The following ARHGEF28 variants were observed in gnomAD, a reference collection of about 807,000 sequenced individuals.
ARHGEF28 encodes the protein Rho guanine nucleotide exchange factor 28, also known as 190 kDa guanine nucleotide exchange factor.
A neutral mutation model predicts 206.6 loss-of-function variants in ARHGEF28; 152 were observed. The observed-to-expected ratio is 0.74, with a 90% CI of 0.64 to 0.84. The LOEUF is 0.84. Among genes scored for constraint, ARHGEF28 ranks in the 40% least tolerant of loss-of-function variants. The pLI is 0.00. For synonymous variants in ARHGEF28, 763 were observed against 776.4 expected (o/e 0.98, Z 0.29); for missense variants, 2,028 against 2,073.2 (o/e 0.98, Z 0.42).
At position 73,794,437 on chromosome 5, in the gene ARHGEF28, G is replaced by A. The variant is rs770998635; in HGVS notation, c.946G>A (p.Glu316Lys). ...KNSVSSRSAA[E>K]KEDIKRVKSL... is the part of the protein sequence containing the mutation. ...TTCAGTGTCCAGCAGATCAGCAGCT[G>A]AAAAGGAAGATATAAAGGTAATGAA... The change falls in exon 8 of 36, where the codon GAA becomes AAA. Residue 316 changes from glutamate to lysine, a missense_variant. This residue lies in a region of ARHGEF28 where 1,002 missense variants were observed against 1,015.3 expected (regional missense o/e 0.99). Transcript: ENST00000513042. The A allele has an allele frequency of 1.0e-5, 16 of 1,601,878 alleles. No individual in the cohort carries two copies. Among genetic ancestry groups the A allele is most frequent in the African/African-American group, 9.4e-5 (7 of 74,552 alleles).
intron 8 of ARHGEF28, 141 bp from the exon 9 acceptor site, chr5:73,795,190 A>T: frequency 1.5e-6 from 1 of 679,122 alleles, no homozygotes; most frequent in Non-Finnish European, 2.5e-6. Flanking sequence ...GTATAAGACT[A>T]GTTTTCTGTT....
At chr5:73,896,283 A>C (rs2112695418) in intron 29 of ARHGEF28, among the ~76,000 whole-genome samples, 1 of 152,288 alleles carries the variant, frequency 6.6e-6, no homozygotes, top group South Asian at 2.1e-4. Context: ...AAAGCCCCTG[A>C]GGCTGCAGTG....
At chr5:73,816,998 A>C (rs1213823616) in intron 9 of ARHGEF28, among the ~76,000 whole-genome samples, 1 of 152,226 alleles carries the variant, frequency 6.6e-6, no homozygotes, top group South Asian at 2.1e-4. Flanking sequence ...AGGAGATTCA[A>C]TCAAGAAATG....
chr5:73,789,675 ATTTAT>A (rs1302477409), intron 7 of ARHGEF28, among the ~76,000 whole-genome samples: 1 of 151,688 alleles, frequency 6.6e-6, no homozygotes, highest in Non-Finnish European at 1.5e-5. Context: ...CCAAGTTTTT[ATTTAT>A]TTTATTTATT....
At chr5:73,860,149 G>A (rs886310371) in intron 16 of ARHGEF28, among the ~76,000 whole-genome samples, 2 of 152,092 alleles carry the variant, frequency 1.3e-5, no homozygotes, top group East Asian at 1.9e-4. Flanking sequence ...TACTGGGTAC[G>A]CGCAGAAATT....
At chr5:73,835,974 A>G (rs1323210110) in intron 10 of ARHGEF28, among the ~76,000 whole-genome samples, 2 of 152,170 alleles carry the variant, frequency 1.3e-5, no homozygotes, top group Non-Finnish European at 2.9e-5. Context: ...GTTGAGTAAG[A>G]GAATAGAAAA....
chr5:73,833,768 A>G lies in ARHGEF28; in HGVS notation c.1146+1309A>G, dbSNP rs184728621. Among the ~76,000 whole-genome samples the G allele has an allele frequency of 2.1e-3, 315 of 152,276 alleles. 6 individuals carry two copies. The highest frequency in any genetic ancestry group is 9.1e-4 in the Non-Finnish European group (62 of 68,026). ...CTCAGGAAACTTAAAATAATGGCGG[A>G]AGATACCTCTTCACAGGGCAGCAGG... On this transcript the variant is annotated intron_variant, in intron 10 of 35. Coordinates refer to ENST00000513042, the MANE Select transcript of ARHGEF28 (RefSeq NM_001177693.2).
At position 73,864,872 on chromosome 5, in the gene ARHGEF28, G is replaced by A. The variant is rs1356905652; in HGVS notation, c.2103G>A (p.Lys701=). The change falls in exon 17 of 36, where the codon AAG becomes AAA. Residue 701 remains lysine, a splice_region_variant and synonymous_variant. Transcript: ENST00000513042. ...AAGATGCTGCGCCTGCATGCACCAA[G>A]GTAATTGCTCAGTGATCTGTGAATA... ...GCKDAAPACT[K]KFQEKYNKNK... is the part of the protein sequence containing the mutation. 11 of 1,612,914 alleles carry A rather than the reference G, an allele frequency of 6.8e-6. No individual in the cohort carries two copies. In the East Asian group the frequency reaches 2.5e-4, roughly 36 times the overall value.
intron 1 of ARHGEF28, among the ~76,000 whole-genome samples, chr5:73,630,689 A>G (rs6881956): frequency 0.78 from 119,035 of 152,082 alleles, 47,038 homozygotes; most frequent in African/African-American, 0.89. Context: ...CCTTGGGTGA[A>G]TATTCCTACT....
At chr5:73,757,224 C>T (rs576396381) in intron 4 of ARHGEF28, among the ~76,000 whole-genome samples, 4 of 152,164 alleles carry the variant, frequency 2.6e-5, no homozygotes, top group East Asian at 1.9e-4. Flanking sequence ...ACTGTGCCAT[C>T]GGACCCACTG....
chr5:73,935,540 A>G (rs1430910945), intron 35 of ARHGEF28, among the ~76,000 whole-genome samples: 1 of 152,210 alleles, frequency 6.6e-6, no homozygotes, highest in Non-Finnish European at 1.5e-5. Context: ...CCATTAGAAG[A>G]AAAAATGTTG....
intron 22 of ARHGEF28, 95 bp from the exon 23 acceptor site, chr5:73,882,377 C>T: frequency 1.1e-6 from 1 of 882,792 alleles, no homozygotes; most frequent in East Asian, 3.2e-5. Flanking sequence ...TTTTTATTTG[C>T]AAATACTATT....
chr5:73,772,960 G>A (rs1320233629), intron 4 of ARHGEF28, among the ~76,000 whole-genome samples: 1 of 152,200 alleles, frequency 6.6e-6, no homozygotes, highest in Non-Finnish European at 1.5e-5. Context: ...AAACTGTGGA[G>A]AAGTAGGTCA....
At chr5:73,782,561 G>C (rs938053609) in intron 7 of ARHGEF28, among the ~76,000 whole-genome samples, 2 of 152,176 alleles carry the variant, frequency 1.3e-5, no homozygotes, top group Non-Finnish European at 1.5e-5. Flanking sequence ...GGTTAAGCCC[G>C]AGCAGCTGAG....
intron 2 of ARHGEF28, among the ~76,000 whole-genome samples, chr5:73,707,245 G>C (rs577729478): frequency 6.6e-5 from 10 of 152,308 alleles, no homozygotes; most frequent in African/African-American, 2.4e-4. Context: ...ATAGCTGCCT[G>C]TGACCAGAGC....
At chr5:73,893,654 G>C (rs1048751217) in intron 28 of ARHGEF28, among the ~76,000 whole-genome samples, 1 of 152,214 alleles carries the variant, frequency 6.6e-6, no homozygotes, top group Non-Finnish European at 1.5e-5. Flanking sequence ...CAGTTTGCAA[G>C]TGTGTGAAAG....
chr5:73,666,444 T>A (rs762794483), intron 1 of ARHGEF28, among the ~76,000 whole-genome samples: 4 of 152,216 alleles, frequency 2.6e-5, no homozygotes, highest in Admixed American at 6.5e-5. Flanking sequence ...ATTACCCTAG[T>A]GGAGGCTCTC....
intron 9 of ARHGEF28, among the ~76,000 whole-genome samples, chr5:73,815,978 G>A (rs1756182007): frequency 6.6e-6 from 1 of 152,144 alleles, no homozygotes; most frequent in African/African-American, 2.4e-5. Flanking sequence ...AGCGGGTTTG[G>A]TCATGCTGTA....
At chr5:73,879,811 C>T (rs1329522799) in intron 22 of ARHGEF28, among the ~76,000 whole-genome samples, 2 of 152,082 alleles carry the variant, frequency 1.3e-5, no homozygotes, top group Admixed American at 1.3e-4. Context: ...AGTACCTGGC[C>T]ATGTGAGGTG....
Sources: allele counts gnomAD v4.1 joint callset (sites outside exome capture counted in the v4.1 genomes callset), GRCh38; gene constraint gnomAD v4.1.1; regional missense constraint gnomAD v4.1.1; transcripts MANE v1.5; gene names NCBI Gene and HGNC (gene_info 2026-07-23, HGNC 2026-07-21).